Variants in MZT2B observed in about 807,000 individuals in gnomAD.
The protein encoded by MZT2B is mitotic spindle organizing protein 2B.
A neutral mutation model predicts 12.1 loss-of-function variants in MZT2B; 11 were observed. That is an observed-to-expected ratio of 0.91 (90% CI 0.57 to 1.50). The LOEUF (loss-of-function observed/expected upper bound fraction) is 1.50. Among genes scored for constraint, MZT2B ranks in the 40% most tolerant of loss-of-function variants. The pLI, the probability that MZT2B is intolerant of heterozygous loss-of-function variation, is 0.00. For missense variants in MZT2B, 209 were observed against 227.7 expected, an observed-to-expected ratio of 0.92 and a Z score of 0.53; for synonymous variants, 85 against 109.5, an observed-to-expected ratio of 0.78 and a Z score of 1.40.
the MZT2B span, among the ~76,000 whole-genome samples, chr2:130,195,949 G>A: frequency 6.6e-6 from 1 of 152,236 alleles, no homozygotes; most frequent in East Asian, 1.9e-4. Context: ...TTCCCTGTAG[G>A]TCAGGTTTTC....
At chr2:130,190,857 T>C (rs1690241741), downstream of MZT2B, 2 of 971,664 alleles carry the variant, frequency 2.1e-6, no homozygotes, top group Admixed American at 4.0e-5. Flanking sequence ...GTCAACTTCC[T>C]GAACCTGATT....
At chr2:130,183,771 T>C in intron 2 of MZT2B, 2 of 1,550,594 alleles carry the variant, frequency 1.3e-6, no homozygotes, top group Non-Finnish European at 8.7e-7. Context: ...TCTTTGTGTC[T>C]CTCTCTGACC....
At position 130,185,153 on chromosome 2, in the gene MZT2B, C is replaced by CA. The variant is rs1464048550; in HGVS notation, c.319+2386dup. Among the ~76,000 whole-genome samples, 82 of 151,728 alleles carry CA rather than the reference C, an allele frequency of 5.4e-4. 1 individual carries two copies. Among genetic ancestry groups the CA allele is most frequent in the African/African-American group, 1.7e-3 (69 of 41,390 alleles). On this transcript the variant is annotated intron_variant, in intron 2 of 2. Coordinates refer to ENST00000281871, the MANE Select transcript of MZT2B (RefSeq NM_025029.5). ...TGAAACCCCGTCTCTACTAAAAATA[C>CA]AAAAAAAATTAGCTGGGCGTGGTGG...
At chr2:130,196,475 C>T in the MZT2B span, 4 of 1,464,322 alleles carry the variant, frequency 2.7e-6, no homozygotes, top group African/African-American at 5.7e-5. Flanking sequence ...GCTTCAGTAT[C>T]TGGCGCTTTC....
At chr2:130,198,405 C>T in the MZT2B span, 1 of 1,355,538 alleles carries the variant, frequency 7.4e-7, no homozygotes, top group Non-Finnish European at 1.0e-6. Flanking sequence ...CAGACCTCAA[C>T]CGGCTGCCAC....
intron 2 of MZT2B, among the ~76,000 whole-genome samples, chr2:130,190,163 C>G (rs1342100009): frequency 6.6e-6 from 1 of 152,184 alleles, no homozygotes; most frequent in Admixed American, 6.5e-5. Context: ...AGCACACCTA[C>G]CTTTCCCTAA....
rs190223044 is a variant in MZT2B at position 130,185,351 on chromosome 2, G to A, written c.319+2576G>A. ...CTAGCCAGGTGGGCATGGTGGTGGC[G>A]CCCATCTGTAGTCCCAGCTACTTGG... On this transcript the variant is annotated intron_variant, in intron 2 of 2. Transcript: ENST00000281871. Among the ~76,000 whole-genome samples the A allele has an allele frequency of 2.1e-4, 32 of 151,236 alleles. No individual in the cohort carries two copies. In the East Asian group the frequency reaches 4.7e-3, roughly 22 times the overall value.
chr2:130,184,034 C>T lies in MZT2B; in HGVS notation c.319+1259C>T, dbSNP rs1237332952. ...TGTTTCCATGGAAACTGCCTGGCCCCAGGAGGCCCAAGCAGCTTTGAGCTC... is the reference window on the plus strand; with the variant it reads ...TGTTTCCATGGAAACTGCCTGGCCCTAGGAGGCCCAAGCAGCTTTGAGCTC... On this transcript the variant is annotated intron_variant, in intron 2 of 2. Coordinates refer to ENST00000281871, the MANE Select transcript of MZT2B (RefSeq NM_025029.5). 3.2e-6 allele frequency: 5 copies of T among 1,550,240 alleles called. No homozygotes were observed. In the Admixed American group the frequency reaches 5.9e-5, roughly 18 times the overall value.
Position 130,183,735 on chromosome 2 carries a change from T to C in MZT2B, c.319+960T>C, listed in dbSNP as rs953297121. 10 of 1,550,386 alleles carry C rather than the reference T, an allele frequency of 6.5e-6. No homozygotes were observed. In the African/African-American group the frequency reaches 1.4e-4, roughly 21 times the overall value. ...GCCCGGGCACCTGCGTGCTGGCCTC[T>C]TCACTGACCTTCGCTCTGTCTGCTC... On this transcript the variant is annotated intron_variant, in intron 2 of 2. Transcript: ENST00000281871.
At chr2:130,203,048 CTTTTTTT>C in the MZT2B span, among the ~76,000 whole-genome samples, 75 of 118,516 alleles carry the variant, frequency 6.3e-4, no homozygotes, top group East Asian at 4.3e-3. Flanking sequence ...TTTCTTTTTT[CTTTTTTT>C]TTTTTTTTTT....
chr2:130,182,080 C>T, upstream of MZT2B: 1 of 1,350,598 alleles, frequency 7.4e-7, no homozygotes, highest in Non-Finnish European at 9.6e-7. Flanking sequence ...CTCCCGGCTC[C>T]TAGAGCGCCG....
At chr2:130,187,007 C>T (rs1389197825) in intron 2 of MZT2B, among the ~76,000 whole-genome samples, 2 of 138,076 alleles carry the variant, frequency 1.4e-5, no homozygotes, top group African/African-American at 2.7e-5. Context: ...ACTTGAAGCT[C>T]GGAGTTTGAG....
rs545850116 is a variant in MZT2B at position 130,185,297 on chromosome 2, C to T, written c.319+2522C>T. 2.4e-4 allele frequency among the ~76,000 whole-genome samples: 32 copies of T among 132,556 alleles called. No homozygotes were observed. In the South Asian group the frequency reaches 7.2e-3, roughly 30 times the overall value. The allele number at this position is 132,556 out of a possible 152,430, so 87.0% of individuals were successfully genotyped here. A position where few individuals can be genotyped will look rare whatever the true frequency, so the allele number is the denominator to read the frequency against. ...CTGCACTCCAGCCTGGGGGACAGAG[C>T]GAGACTCCGTCTCAAAAAAAAAAAA... On this transcript the variant is annotated intron_variant, in intron 2 of 2. Coordinates refer to ENST00000281871, the MANE Select transcript of MZT2B (RefSeq NM_025029.5).
At chr2:130,192,016 G>A (rs758989528), downstream of MZT2B, 21 of 1,614,056 alleles carry the variant, frequency 1.3e-5, no homozygotes, top group African/African-American at 5.3e-5. Context: ...TGGACCAGGC[G>A]GGCCCAGGCC....
At chr2:130,197,492 C>CAAA in the MZT2B span, among the ~76,000 whole-genome samples, 2,238 of 41,912 alleles carry the variant, frequency 0.053, 9 homozygotes, top group Non-Finnish European at 0.096. Flanking sequence ...AGTGCTGTCT[C>CAAA]AAAAAAAAAA....
chr2:130,189,030 A>C (rs10208349), intron 2 of MZT2B, among the ~76,000 whole-genome samples: 2,539 of 152,218 alleles, frequency 0.017, 55 homozygotes, highest in African/African-American at 0.056. Flanking sequence ...TCACCCTAAA[A>C]GTGATGGCAG....
intron 2 of MZT2B, chr2:130,183,473 A>G: frequency 2.1e-6 from 1 of 476,246 alleles, no homozygotes; most frequent in Non-Finnish European, 3.9e-6. Context: ...TGGGACTGAG[A>G]GTGTCATGGT....
At chr2:130,182,876 T>C (rs1243768602) in intron 2 of MZT2B, 101 bp downstream of exon 2, 5 of 1,466,340 alleles carry the variant, frequency 3.4e-6, no homozygotes, top group Admixed American at 2.3e-5. Flanking sequence ...TGGCCAGGCC[T>C]GTCTGTCGGT....
At chr2:130,183,537 T>C in intron 2 of MZT2B, 1 of 625,266 alleles carries the variant, frequency 1.6e-6, no homozygotes, top group South Asian at 1.8e-5. Flanking sequence ...TCCCGATGGC[T>C]CTCTCTGAAA....
Sources: gnomAD v4.1 joint callset for allele counts (sites outside exome capture counted in the v4.1 genomes callset) on GRCh38, gnomAD v4.1.1 for gene constraint, MANE v1.5 for transcripts, NCBI Gene and HGNC (gene_info 2026-07-23, HGNC 2026-07-21) for gene names.